The following CCDC171 variants were observed in gnomAD, a reference collection of about 807,000 sequenced individuals.
The protein encoded by CCDC171 is coiled-coil domain-containing protein 171.
CCDC171 carries 177 observed loss-of-function variants against 168.2 expected under a neutral mutation model. The ratio of observed to expected loss-of-function variants is 1.05; its 90% confidence interval spans 0.93 to 1.19. The LOEUF (loss-of-function observed/expected upper bound fraction) is 1.19. Among genes scored for constraint, CCDC171 ranks in the 50% most tolerant of loss-of-function variants. CCDC171 has a pLI of 0.00. For synonymous variants in CCDC171, 687 were observed against 540.8 expected, an observed-to-expected ratio of 1.27 and a Z score of -3.75; for missense variants, 1,991 against 1,539.0, an observed-to-expected ratio of 1.29 and a Z score of -4.91.
At chr9:15,969,564 A>C (rs1831143071) in intron 25 of CCDC171, among the ~76,000 whole-genome samples, 1 of 152,182 alleles carries the variant, frequency 6.6e-6, no homozygotes. Context: ...ACACCCCTCT[A>C]TTTTCCATAC....
chr9:15,876,876 A>G (rs138673012), intron 24 of CCDC171, among the ~76,000 whole-genome samples: 1 of 152,246 alleles, frequency 6.6e-6, no homozygotes, highest in Non-Finnish European at 1.5e-5. Context: ...ACCTTTGATT[A>G]TGAAGAGAGG....
intron 18 of CCDC171, 90 bp from the exon 19 acceptor site, chr9:15,777,510 A>T: frequency 1.4e-6 from 1 of 690,490 alleles, no homozygotes. Context: ...TTATATAATT[A>T]AAAAATATTT....
At chr9:15,616,180 G>T (rs2044070203) in intron 6 of CCDC171, among the ~76,000 whole-genome samples, 1 of 152,110 alleles carries the variant, frequency 6.6e-6, no homozygotes, top group Non-Finnish European at 1.5e-5. Flanking sequence ...TCGAACTCCT[G>T]ATCTCAAGTG....
At chr9:15,910,311 A>G (rs747178725) in intron 24 of CCDC171, among the ~76,000 whole-genome samples, 25 of 152,110 alleles carry the variant, frequency 1.6e-4, no homozygotes, top group Admixed American at 2.6e-4. Context: ...TTTTTTTGTT[A>G]TAACAATAGG....
chr9:15,697,275 A>G (rs1235574983), intron 11 of CCDC171, among the ~76,000 whole-genome samples: 1 of 152,096 alleles, frequency 6.6e-6, no homozygotes, highest in African/African-American at 2.4e-5. Context: ...TTGTTAGACT[A>G]TGGTGACATT....
At chr9:15,803,242 T>C (rs2058913475) in intron 21 of CCDC171, among the ~76,000 whole-genome samples, 1 of 152,242 alleles carries the variant, frequency 6.6e-6, no homozygotes, top group African/African-American at 2.4e-5. Context: ...TCTTTTGCTG[T>C]GCAGAAGCTC....
At chr9:15,930,520 G>C (rs1371093825) in intron 25 of CCDC171, among the ~76,000 whole-genome samples, 2 of 151,518 alleles carry the variant, frequency 1.3e-5, no homozygotes, top group African/African-American at 2.4e-5. Flanking sequence ...TTTATGTAGA[G>C]GTGGACATAC....
At position 15,571,760 on chromosome 9, in the gene CCDC171, G is replaced by A; in HGVS notation, c.177+1G>A. On this transcript the variant is annotated splice_donor_variant, in intron 3 of 25. Coordinates refer to ENST00000380701, the MANE Select transcript of CCDC171 (RefSeq NM_173550.4). LOFTEE classifies it high-confidence loss of function. ...AATAACAACCAAACACAATGCAGAG[G>A]TACGATTTATTTTCCTCTCAAATAA... 1 of 1,566,446 alleles carries A rather than the reference G, an allele frequency of 6.4e-7. No individual in the cohort carries two copies. Among genetic ancestry groups the A allele is most frequent in the Non-Finnish European group, 8.6e-7 (1 of 1,166,992 alleles).
intron 16 of CCDC171, among the ~76,000 whole-genome samples, chr9:15,732,181 A>T (rs963133826): frequency 1.3e-5 from 2 of 151,988 alleles, no homozygotes; most frequent in Admixed American, 6.6e-5. Flanking sequence ...TAAGTTTTAA[A>T]ATTTTGATGA....
chr9:16,020,715 A>G (rs1325828875), exon 4 of CCDC171: 2 of 154,426 alleles, frequency 1.3e-5, no homozygotes, highest in African/African-American at 4.8e-5. Flanking sequence ...CACACCGTGG[A>G]TACCTGGACG....
intron 6 of CCDC171, among the ~76,000 whole-genome samples, chr9:16,031,237 T>A (rs1477435185): frequency 6.6e-6 from 1 of 152,240 alleles, no homozygotes; most frequent in Non-Finnish European, 1.5e-5. Context: ...CACCAATGCA[T>A]GTTCCACATG....
At chr9:15,703,894 C>T (rs2052000848) in intron 11 of CCDC171, among the ~76,000 whole-genome samples, 1 of 151,930 alleles carries the variant, frequency 6.6e-6, no homozygotes, top group South Asian at 2.1e-4. Context: ...TGTGGTGTCC[C>T]AAAACAATTA....
At chr9:15,976,106 TCTC>T (rs1019884452), downstream of CCDC171, among the ~76,000 whole-genome samples, 8 of 152,116 alleles carry the variant, frequency 5.3e-5, no homozygotes, top group Admixed American at 4.6e-4. Flanking sequence ...GGAAATGGAT[TCTC>T]CTCTCAGAGC....
chr9:16,073,688 C>T, the CCDC171 span, among the ~76,000 whole-genome samples: 1 of 152,198 alleles, frequency 6.6e-6, no homozygotes, highest in Non-Finnish European at 1.5e-5. Context: ...GCAAACCTCA[C>T]CAAATCGCGA....
chr9:15,635,799 A>T (rs539900030), intron 7 of CCDC171, among the ~76,000 whole-genome samples: 1 of 152,124 alleles, frequency 6.6e-6, no homozygotes, highest in African/African-American at 2.4e-5. Context: ...TGTCTTTATG[A>T]TATATCTAGG....
At chr9:15,665,257 G>T (rs960855754) in intron 8 of CCDC171, among the ~76,000 whole-genome samples, 1 of 152,136 alleles carries the variant, frequency 6.6e-6, no homozygotes, top group Non-Finnish European at 1.5e-5. Flanking sequence ...CTCCTGAGTA[G>T]CTGGGACTAC....
At chr9:15,567,531 A>G (rs1002135613) in intron 2 of CCDC171, among the ~76,000 whole-genome samples, 21 of 152,194 alleles carry the variant, frequency 1.4e-4, no homozygotes, top group African/African-American at 4.8e-4. Flanking sequence ...ATTTGGGGAG[A>G]ATTGCCATTT....
At chr9:15,563,006 C>T (rs902374901) in intron 1 of CCDC171, among the ~76,000 whole-genome samples, 1 of 152,056 alleles carries the variant, frequency 6.6e-6, no homozygotes, top group Non-Finnish European at 1.5e-5. Flanking sequence ...GGATAATAAC[C>T]CTCACGTAAG....
At chr9:15,725,424 G>A (rs185748481) in intron 14 of CCDC171, among the ~76,000 whole-genome samples, 118 of 152,158 alleles carry the variant, frequency 7.8e-4, no homozygotes, top group African/African-American at 2.7e-3. Context: ...ATATAGCTTA[G>A]CCTCTCCACA....
Sources: allele counts gnomAD v4.1 joint callset (sites outside exome capture counted in the v4.1 genomes callset), GRCh38; gene constraint gnomAD v4.1.1; transcripts MANE v1.5; gene names NCBI Gene and HGNC (gene_info 2026-07-23, HGNC 2026-07-21).